IER2: variants seen among roughly 807,000 people sequenced by gnomAD.
IER2 encodes immediate early response 2.
For synonymous variants in IER2, 198 were observed against 149.6 expected (o/e 1.32, Z -2.36); for missense variants, 372 against 325.4 (o/e 1.14, Z -1.10).
At position 13,153,322 on chromosome 19, in the gene IER2, C is replaced by G. The variant is rs1403600339; in HGVS notation, c.136C>G (p.Leu46Val). 1 of 1,602,786 alleles carries G rather than the reference C, an allele frequency of 6.2e-7. No homozygotes were observed. The highest frequency in any genetic ancestry group is 8.5e-7 in the Non-Finnish European group (1 of 1,175,592). Residue 46 changes from leucine to valine, a missense_variant, in exon 2 of 2, where the codon CTC becomes GTC. Physicochemically the swap from Leu to Val is conservative, Grantham distance 32 (BLOSUM62 1). Transcript: ENST00000292433. ...LSLVMRSARELYLSAKVEALE... is the reference protein window; with the variant it reads ...LSLVMRSAREVYLSAKVEALE... ...GCTGGTCATGCGCAGCGCCCGGGAG[C>G]TCTACCTCTCGGCCAAGGTGGAGGC... is the stretch of plus-strand genomic sequence containing the variant.
In IER2 at chr19:13,154,809, CTTTG is replaced by C. The variant is rs1213231648; in HGVS notation, c.*955_*958del. The C allele has an allele frequency of 1.2e-5, 2 of 167,052 alleles. No homozygotes were observed. Among genetic ancestry groups the C allele is most frequent in the African/African-American group, 2.4e-5 (1 of 41,438 alleles). 10.3% of individuals were successfully genotyped at this position (167,052 alleles called of 1,614,324 possible). Reference sequence around the variant, plus strand: ...TTGCCAGGGAGTTTCTGAGGGTCTGCTTTGTTTACCTTTCGTGCGGTGGATTCTT... The same window carrying C: ...TTGCCAGGGAGTTTCTGAGGGTCTGCTTTACCTTTCGTGCGGTGGATTCTT... On this transcript the variant is annotated 3_prime_UTR_variant, in exon 2 of 2. Transcript: ENST00000292433.
chr19:13,151,725 G>T (rs1369843621), intron 1 of IER2, among the ~76,000 whole-genome samples: 1 of 152,224 alleles, frequency 6.6e-6, no homozygotes, highest in African/African-American at 2.4e-5. Context: ...GGAAGCCTGG[G>T]GCTCCAGCCT....
At position 13,153,147 on chromosome 19, in the gene IER2, C is replaced by T. The variant is rs1301988450; in HGVS notation, c.-40C>T. 7 of 1,454,756 alleles carry T rather than the reference C, an allele frequency of 4.8e-6. No individual in the cohort carries two copies. Among genetic ancestry groups the T allele is most frequent in the South Asian group, 1.4e-5 (1 of 70,620 alleles). The allele number at this position is 1,454,756 out of a possible 1,614,324, so 90.1% of individuals were successfully genotyped here. On this transcript the variant is annotated 5_prime_UTR_variant, in exon 2 of 2. Transcript: ENST00000292433. ...GGAGTGCACCTGCTGCCTGTTCTGT[C>T]CCTCCCGGGAGCCCCCGCCGCTGTC...
rs368584230 is a variant in IER2 at position 13,153,196 on chromosome 19, C to G, written c.10C>G (p.Gln4Glu). Residue 4 changes from glutamine (Q) to glutamate (E), a missense_variant, in exon 2 of 2, where the codon CAG (glutamine) becomes GAG (glutamate). Physicochemically the swap from Gln to Glu is conservative, Grantham distance 29. Coordinates refer to ENST00000292433, the MANE Select transcript of IER2 (RefSeq NM_004907.3). ...TCGCCGTCGAGTCGCCATGGAAGTGCAGAAAGAGGCACAGCGCATCATGAC... is the reference window on the plus strand; with the variant it reads ...TCGCCGTCGAGTCGCCATGGAAGTGGAGAAAGAGGCACAGCGCATCATGAC... MEV[Q>E]KEAQRIMTLS... is the part of the protein sequence containing the mutation. The G allele has an allele frequency of 8.6e-6, 13 of 1,510,746 alleles. No homozygotes were observed. In the African/African-American group the frequency reaches 1.4e-4, roughly 16 times the overall value. The allele number at this position is 1,510,746 out of a possible 1,614,324, so 93.6% of individuals were successfully genotyped here. A position where few individuals can be genotyped will look rare whatever the true frequency, so the allele number is the denominator to read the frequency against.
chr19:13,153,543 C>T lies in IER2; in HGVS notation c.357C>T (p.Ser119=). Residue 119 remains serine, a synonymous_variant, in exon 2 of 2, where the codon AGC becomes AGT. Transcript: ENST00000292433. ...ACCAPRPAKV[S]RKRRSSSLSD... is the part of the protein sequence containing the mutation. ...GTGCCCCGCGCCCCGCCAAAGTCAG[C>T]CGCAAACGACGCAGCAGCAGCCTGA... is the stretch of plus-strand genomic sequence containing the variant. 1.3e-6 allele frequency: 2 copies of T among 1,589,504 alleles called. No homozygotes were observed. Among genetic ancestry groups the T allele is most frequent in the South Asian group, 1.1e-5 (1 of 88,532 alleles).
In IER2 at chr19:13,153,554, G is replaced by C. The variant is rs1354913468; in HGVS notation, c.368G>C (p.Arg123Pro). The C allele has an allele frequency of 6.3e-7, 1 of 1,593,696 alleles. No homozygotes were observed. The highest frequency in any genetic ancestry group is 1.3e-5 in the African/African-American group (1 of 74,334). The part of the protein sequence containing the change: ...PRPAKVSRKR[R>P]SSSLSDGGDA... ...CCCGCCAAAGTCAGCCGCAAACGAC[G>C]CAGCAGCAGCCTGAGCGACGGCGGG... The change falls in exon 2 of 2, where the codon CGC becomes CCC. Residue 123 changes from arginine to proline, a missense_variant. Coordinates refer to ENST00000292433, the MANE Select transcript of IER2 (RefSeq NM_004907.3).
rs1306268289 is a variant in IER2 at position 13,154,104 on chromosome 19, A to C, written c.*246A>C. The stretch of plus-strand genomic sequence containing the variant: ...GGGGGCGCGGGCGCCTTCCGCAGAG[A>C]CCTGCGCCCACAGGTGCTGTCTTAG... On this transcript the variant is annotated 3_prime_UTR_variant, in exon 2 of 2. Coordinates refer to ENST00000292433, the MANE Select transcript of IER2 (RefSeq NM_004907.3). The C allele has an allele frequency of 2.1e-6, 1 of 478,006 alleles. No homozygotes were observed. The highest frequency in any genetic ancestry group is 2.1e-5 in the African/African-American group (1 of 48,546). The allele number at this position is 478,006 out of a possible 1,614,324, so 29.6% of individuals were successfully genotyped here.
At position 13,153,659 on chromosome 19, in the gene IER2, A is replaced by G; in HGVS notation, c.473A>G (p.Asp158Gly). 1 of 1,612,926 alleles carries G rather than the reference A, an allele frequency of 6.2e-7. No homozygotes were observed. The highest frequency in any genetic ancestry group is 8.5e-7 in the Non-Finnish European group (1 of 1,179,788). Residue 158 changes from aspartate to glycine, a missense_variant, in exon 2 of 2, where the codon GAT becomes GGT. Transcript: ENST00000292433. The stretch of plus-strand genomic sequence containing the variant: ...GAGGGAGCGTCATCCGAAGTCGCCG[A>G]TCGCCTGCAGCCCCCTCCGGCGCAA... The part of the protein sequence containing the change: ...EEEGASSEVA[D>G]RLQPPPAQAE...
At chr19:13,151,894 A>G (rs2020067897) in intron 1 of IER2, 1 of 149,872 alleles carries the variant, frequency 6.7e-6, no homozygotes, top group African/African-American at 2.5e-5. Flanking sequence ...CGACTGCCCT[A>G]CGTCACTCCG....
Position 13,153,810 on chromosome 19 carries a change from G to T in IER2, c.624G>T (p.Pro208=), listed in dbSNP as rs775248277. Reference sequence around the variant, plus strand: ...GCGAGGCAAAGCCCGCTTGCCGCCCGGCGGACAGCATGCTCAACGTGCTCG... The same window carrying T: ...GCGAGGCAAAGCCCGCTTGCCGCCCTGCGGACAGCATGCTCAACGTGCTCG... ...PACEAKPACR[P]ADSMLNVLVR... Residue 208 remains proline (P), a synonymous_variant, in exon 2 of 2, where the codon CCG becomes CCT. Coordinates refer to ENST00000292433, the MANE Select transcript of IER2 (RefSeq NM_004907.3). 2.0e-6 allele frequency: 3 copies of T among 1,502,000 alleles called. No homozygotes were observed. In the African/African-American group the frequency reaches 4.3e-5, roughly 21 times the overall value. The allele number at this position is 1,502,000 out of a possible 1,614,324, so 93.0% of individuals were successfully genotyped here.
chr19:13,151,815 A>G (rs2020066151), intron 1 of IER2, among the ~76,000 whole-genome samples: 1 of 136,384 alleles, frequency 7.3e-6, no homozygotes, highest in African/African-American at 2.9e-5. Context: ...CCCCCCCGGA[A>G]GCCCCGCCGC....
rs750783718 is a variant in IER2, at chr19:13,153,712, C to G, written c.526C>G (p.Arg176Gly). 5.0e-6 allele frequency: 8 copies of G among 1,609,708 alleles called. No individual in the cohort carries two copies. The South Asian group carries it at 6.6e-5, about 13-fold the overall frequency. Reference sequence around the variant, plus strand: ...GGAGGGCGCCTTTCCCAACCTGGCCCGCGTCCTGCAGAGGCGCTTCTCCGG... The same window carrying G: ...GGAGGGCGCCTTTCCCAACCTGGCCGGCGTCCTGCAGAGGCGCTTCTCCGG... ...QAEGAFPNLA[R>G]VLQRRFSGLL... The change falls in exon 2 of 2, where the codon CGC becomes GGC. Residue 176 changes from arginine to glycine, a missense_variant. By Grantham distance (125) the Arg-to-Gly change is moderately radical. Transcript: ENST00000292433.
At position 13,153,042 on chromosome 19, in the gene IER2, C is replaced by G. The variant is rs1020373223; in HGVS notation, c.-145C>G. ...TGGGGGTATAAAAGGGCCTGGGTGG[C>G]GGGCGCCTGGGCAGAGCGTCCTAGC... On this transcript the variant is annotated 5_prime_UTR_variant, in exon 2 of 2. Coordinates refer to ENST00000292433, the MANE Select transcript of IER2 (RefSeq NM_004907.3). 8 of 525,034 alleles carry G rather than the reference C, an allele frequency of 1.5e-5. No homozygotes were observed. The highest frequency in any genetic ancestry group is 1.4e-4 in the African/African-American group (7 of 49,758). The allele number at this position is 525,034 out of a possible 1,614,324, so 32.5% of individuals were successfully genotyped here.
Position 13,153,282 on chromosome 19 carries a change from G to T in IER2, c.96G>T (p.Arg32=). Residue 32 remains arginine, a synonymous_variant, in exon 2 of 2, where the codon CGG becomes CGT. Transcript: ENST00000292433. The part of the protein sequence containing the change: ...RMQRGGLRLH[R]SLQLSLVMRS... ...AGCGCGGTGGCCTGCGGCTGCACCG[G>T]AGTCTGCAGCTGTCGCTGGTCATGC... 6.2e-7 allele frequency: 1 copy of T among 1,604,262 alleles called. No individual in the cohort carries two copies. Among genetic ancestry groups the T allele is most frequent in the Non-Finnish European group, 8.5e-7 (1 of 1,175,360 alleles).
In IER2 at chr19:13,150,542, G is replaced by T; in HGVS notation, c.-254G>T. On this transcript the variant is annotated 5_prime_UTR_variant, in exon 1 of 2. Coordinates refer to ENST00000292433, the MANE Select transcript of IER2 (RefSeq NM_004907.3). The surrounding 1 kb of genome is among the most constrained non-coding windows in gnomAD (Gnocchi z 4.0). ...TGCGCAACTTCAGTTTCCCTTCCAG[G>T]CACGGGCAATGTAAATAATGATAGC... The T allele has an allele frequency of 4.5e-6, 1 of 220,868 alleles. No individual in the cohort carries two copies. Among genetic ancestry groups the T allele is most frequent in the Non-Finnish European group, 9.0e-6 (1 of 111,378 alleles). The allele number at this position is 220,868 out of a possible 1,614,324, so 13.7% of individuals were successfully genotyped here.
rs1395492224 is a variant in IER2, at chr19:13,154,841, TA to T, written c.*985del. The T allele has an allele frequency of 6.0e-6, 1 of 166,922 alleles. No individual in the cohort carries two copies. The highest frequency in any genetic ancestry group is 2.4e-5 in the African/African-American group (1 of 41,440). The allele number at this position is 166,922 out of a possible 1,614,324, so 10.3% of individuals were successfully genotyped here. On this transcript the variant is annotated 3_prime_UTR_variant, in exon 2 of 2. Transcript: ENST00000292433. ...TACCTTTCGTGCGGTGGATTCTTTTTAACTCCGTCTACCTGGCGTTTTGTTA... is the reference window on the plus strand; with the variant it reads ...TACCTTTCGTGCGGTGGATTCTTTTTACTCCGTCTACCTGGCGTTTTGTTA...
At chr19:13,151,776 G>T (rs1278913798) in intron 1 of IER2, among the ~76,000 whole-genome samples, 1 of 150,298 alleles carries the variant, frequency 6.7e-6, no homozygotes, top group African/African-American at 2.4e-5. Flanking sequence ...GGGCGTGGCC[G>T]GAGCGCAAAG....
At position 13,154,009 on chromosome 19, in the gene IER2, C is replaced by T. The variant is rs1446659815; in HGVS notation, c.*151C>T. 7.9e-6 allele frequency: 5 copies of T among 632,878 alleles called. No individual in the cohort carries two copies. The highest frequency in any genetic ancestry group is 4.1e-5 in the Admixed American group (1 of 24,478). The allele number at this position is 632,878 out of a possible 1,614,324, so 39.2% of individuals were successfully genotyped here. On this transcript the variant is annotated 3_prime_UTR_variant, in exon 2 of 2. Coordinates refer to ENST00000292433, the MANE Select transcript of IER2 (RefSeq NM_004907.3). ...CCGCCGCCCGGGCTGCTGAGAGGCC[C>T]GGAGAGGGACTCTGTCCCCGGGGAG...
At chr19:13,152,117 T>G (rs2020072141) in intron 1 of IER2, 1 of 152,164 alleles carries the variant, frequency 6.6e-6, no homozygotes, top group Admixed American at 6.5e-5. Context: ...AGGGCGGAGA[T>G]TTTCTATCTG....
Sources: gnomAD v4.1 joint callset for allele counts (sites outside exome capture counted in the v4.1 genomes callset) on GRCh38, gnomAD v4.1.1 for gene constraint, Gnocchi (gnomAD v3.1) non-coding constraint, MANE v1.5 for transcripts, NCBI Gene and HGNC (gene_info 2026-07-23, HGNC 2026-07-21) for gene names.